CPAMD8: variants seen among roughly 807,000 people sequenced by gnomAD.
CPAMD8 encodes the protein C3 and PZP-like alpha-2-macroglobulin domain-containing protein 8.
CPAMD8 carries 146 observed loss-of-function variants against 224.7 expected under a neutral mutation model. That is an observed-to-expected ratio of 0.65 (90% CI 0.57 to 0.75). The LOEUF (loss-of-function observed/expected upper bound fraction) is 0.75, where lower values mean the gene tolerates loss of function less well. Ranked by LOEUF, CPAMD8 falls within the 30% of genes least tolerant of loss-of-function variation. The pLI is 0.00. For missense variants in CPAMD8, 2,301 were observed against 2,537.5 expected, an observed-to-expected ratio of 0.91 and a Z score of 2.00; for synonymous variants, 966 against 1,044.6, an observed-to-expected ratio of 0.92 and a Z score of 1.45.
rs1254567831 is a variant in CPAMD8, at chr19:17,008,492, G to A, written c.559+13C>T. On this transcript the variant is annotated intron_variant, in intron 7 of 41. Transcript: ENST00000443236. ...ACATCTGCAGCCCCCAAGCCGCAGA[G>A]GAAGAAACTTACCGCAGCAGAACGG... is the stretch of plus-strand genomic sequence containing the variant. The A allele has an allele frequency of 1.9e-6, 3 of 1,612,350 alleles. No individual in the cohort carries two copies. The highest frequency in any genetic ancestry group is 2.5e-6 in the Non-Finnish European group (3 of 1,180,000).
At position 17,008,572 on chromosome 19, in the gene CPAMD8, G is replaced by A. The variant is rs372082680; in HGVS notation, c.505-13C>T. 1.4e-4 allele frequency: 221 copies of A among 1,613,910 alleles called. 3 individuals carry two copies. The highest frequency in any genetic ancestry group is 5.0e-4 in the Middle Eastern group (3 of 6,030). ...AGCCTCGGGGGTCCTGTTGGTGGTGGAGGGGGACAGACACACGGAGTGAAC... is the reference window on the plus strand; with the variant it reads ...AGCCTCGGGGGTCCTGTTGGTGGTGAAGGGGGACAGACACACGGAGTGAAC... On this transcript the variant is annotated splice_polypyrimidine_tract_variant and intron_variant, in intron 6 of 41. Coordinates refer to ENST00000443236, the MANE Select transcript of CPAMD8 (RefSeq NM_015692.5).
At position 16,897,748 on chromosome 19, in the gene CPAMD8, C is replaced by A; in HGVS notation, c.5008G>T (p.Glu1670Ter). ...NVSTHSPLARELCAGPACNEV... is the reference protein window; with the variant it reads ...NVSTHSPLAR ...TTGCACGCGGGTCCGGCGCACAGTTCCCGGGCGAGTGGGCTGTGGGTGCTG... is the reference window on the plus strand; with the variant it reads ...TTGCACGCGGGTCCGGCGCACAGTTACCGGGCGAGTGGGCTGTGGGTGCTG... Residue 1670 changes from glutamate to a stop codon, truncating the protein, a stop_gained, in exon 39 of 42, where the codon GAA becomes TAA. Coordinates refer to ENST00000443236, the MANE Select transcript of CPAMD8 (RefSeq NM_015692.5). LOFTEE classifies it high-confidence loss of function. The A allele has an allele frequency of 1.9e-6, 3 of 1,580,528 alleles. No homozygotes were observed. Among genetic ancestry groups the A allele is most frequent in the Non-Finnish European group, 2.6e-6 (3 of 1,166,104 alleles).
Position 16,897,588 on chromosome 19 carries a change from C to T in CPAMD8, c.5065+103G>A, listed in dbSNP as rs372556672. 987 of 642,152 alleles carry T rather than the reference C, an allele frequency of 1.5e-3. 22 individuals carry two copies. In the South Asian group the frequency reaches 0.019, roughly 13 times the overall value. 39.8% of individuals were successfully genotyped at this position (642,152 alleles called of 1,614,324 possible). A position where few individuals can be genotyped will look rare whatever the true frequency, so the allele number is the denominator to read the frequency against. ...GCGTTCTCCTGACTTTACGTTGGCC[C>T]CTCCTCTGCCAAGCCCCCAGGGGAG... On this transcript the variant is annotated intron_variant, in intron 39 of 41. Transcript: ENST00000443236.
intron 12 of CPAMD8, among the ~76,000 whole-genome samples, chr19:16,990,859 G>T (rs899614327): frequency 2.1e-5 from 1 of 48,224 alleles, no homozygotes; most frequent in Non-Finnish European, 3.7e-5. Flanking sequence ...GCAAAACTCT[G>T]TCTCAAAAAA....
intron 13 of CPAMD8, among the ~76,000 whole-genome samples, chr19:16,981,486 G>A (rs2055513942): frequency 6.6e-6 from 1 of 152,182 alleles, no homozygotes; most frequent in South Asian, 2.1e-4. Context: ...CAAGTTCCTA[G>A]AGGGGAAAAC....
rs150043547 is a variant in CPAMD8, at chr19:16,976,454, C to A, written c.1759-303G>T. On this transcript the variant is annotated intron_variant, in intron 15 of 41. Coordinates refer to ENST00000443236, the MANE Select transcript of CPAMD8 (RefSeq NM_015692.5). ...GAGTGTGGTTGCACCCCAGCCAGGG[C>A]AACAAGAATGAAACTCCATTTCAAA... Among the ~76,000 whole-genome samples, 1,418 of 151,984 alleles carry A rather than the reference C, an allele frequency of 9.3e-3. 54 individuals are homozygous for A. Among genetic ancestry groups the A allele is most frequent in the African/African-American group, 0.032 (1,340 of 41,342 alleles).
chr19:16,949,055 G>T (rs7252309), intron 20 of CPAMD8, among the ~76,000 whole-genome samples: 4 of 137,816 alleles, frequency 2.9e-5, no homozygotes, highest in Non-Finnish European at 1.6e-5. Context: ...GACGGGAGGG[G>T]GGGAGGGAGG....
chr19:16,936,566 C>A (rs1459518155), intron 23 of CPAMD8, among the ~76,000 whole-genome samples: 1 of 151,962 alleles, frequency 6.6e-6, no homozygotes, highest in African/African-American at 2.4e-5. Flanking sequence ...CCATGCCTGG[C>A]TAATTTTTTT....
chr19:16,903,429 A>T, intron 34 of CPAMD8, 132 bp downstream of exon 34: 1 of 1,349,822 alleles, frequency 7.4e-7, no homozygotes, highest in Non-Finnish European at 1.0e-6. Flanking sequence ...AAGGCTGAAA[A>T]CCTGTCCTGC....
intron 19 of CPAMD8, 171 bp downstream of exon 19, chr19:16,957,682 G>A: frequency 1.5e-6 from 1 of 668,042 alleles, no homozygotes; most frequent in South Asian, 1.8e-5. Flanking sequence ...TGTGCAGCGG[G>A]ACTCAAGGCT....
In CPAMD8 at chr19:16,992,932, T is replaced by TA. The variant is rs556711287; in HGVS notation, c.1266+483dup. Among the ~76,000 whole-genome samples the TA allele has an allele frequency of 7.7e-3, 1,086 of 141,816 alleles. 5 individuals are homozygous for TA. Among genetic ancestry groups the TA allele is most frequent in the Admixed American group, 9.5e-3 (134 of 14,102 alleles). 93.0% of individuals were successfully genotyped at this position (141,816 alleles called of 152,430 possible). A position where few individuals can be genotyped will look rare whatever the true frequency, so the allele number is the denominator to read the frequency against. ...GGCAACAGAGCGAGACCCTGTCTCT[T>TA]AAAAAAAAAAAAAAATCAGATCACT... On this transcript the variant is annotated intron_variant, in intron 12 of 41. Transcript: ENST00000443236.
intron 20 of CPAMD8, among the ~76,000 whole-genome samples, chr19:16,951,208 C>T (rs1047641226): frequency 6.6e-6 from 1 of 152,084 alleles, no homozygotes; most frequent in African/African-American, 2.4e-5. Context: ...GAGTATAAAC[C>T]GGGATCCCAA....
At chr19:16,942,272 G>A (rs1212943664) in intron 22 of CPAMD8, among the ~76,000 whole-genome samples, 1 of 152,144 alleles carries the variant, frequency 6.6e-6, no homozygotes, top group Non-Finnish European at 1.5e-5. Context: ...GACCAACCTG[G>A]CCAACATGGT....
intron 2 of CPAMD8, 144 bp downstream of exon 2, chr19:17,021,886 T>TACCAA: frequency 1.6e-6 from 1 of 619,270 alleles, no homozygotes; most frequent in Non-Finnish European, 2.8e-6. Context: ...CAACCTGTCT[T>TACCAA]CCCTCCCTCC....
At chr19:16,997,049 CTAG>C in intron 11 of CPAMD8, 59 bp downstream of exon 11, 1 of 1,000,168 alleles carries the variant, frequency 1.0e-6, no homozygotes, top group Admixed American at 1.7e-5. Flanking sequence ...GAGCTAGTGG[CTAG>C]TGGTGGTGGT....
At chr19:16,983,926 G>A (rs1308065713) in intron 13 of CPAMD8, among the ~76,000 whole-genome samples, 1 of 151,964 alleles carries the variant, frequency 6.6e-6, no homozygotes. Flanking sequence ...AACATTGGAG[G>A]ACTCACACTT....
intron 39 of CPAMD8, 52 bp downstream of exon 39, chr19:16,897,639 G>T (rs2052073966): frequency 2.9e-6 from 3 of 1,050,528 alleles, no homozygotes; most frequent in African/African-American, 1.7e-5. Flanking sequence ...GAGGGTGGGA[G>T]TCGGGGTGTG....
At chr19:16,927,111 C>CT (rs2053391127) in intron 25 of CPAMD8, among the ~76,000 whole-genome samples, 1 of 152,064 alleles carries the variant, frequency 6.6e-6, no homozygotes, top group South Asian at 2.1e-4. Flanking sequence ...AGCACCTGGG[C>CT]TACTAGAGGC....
At chr19:16,916,033 AAG>A (rs1217857303) in intron 27 of CPAMD8, among the ~76,000 whole-genome samples, 3 of 144,724 alleles carry the variant, frequency 2.1e-5, no homozygotes, top group African/African-American at 7.7e-5. Context: ...CTTGCTTTTC[AAG>A]ACAGGGTCTT....
Sources: allele counts gnomAD v4.1 joint callset (sites outside exome capture counted in the v4.1 genomes callset), GRCh38; gene constraint gnomAD v4.1.1; transcripts MANE v1.5; gene names NCBI Gene and HGNC (gene_info 2026-07-23, HGNC 2026-07-21).